The following GRIA2 variants were observed in gnomAD, a reference collection of about 807,000 sequenced individuals.
GRIA2 encodes glutamate receptor 2.
GRIA2 carries 14 observed loss-of-function variants against 97.3 expected under a neutral mutation model. That is an observed-to-expected ratio of 0.14 (90% confidence interval 0.10 to 0.23). The LOEUF (loss-of-function observed/expected upper bound fraction) is 0.23, where lower values mean the gene tolerates loss of function less well. Ranked by LOEUF, GRIA2 falls within the 10% of genes least tolerant of loss-of-function variation. The pLI, the probability that GRIA2 is intolerant of heterozygous loss-of-function variation, is 1.00. For missense variants in GRIA2, 558 were observed against 1,069.8 expected (o/e 0.52, Z 6.67); for synonymous variants, 412 against 387.8 (o/e 1.06, Z -0.73).
chr4:157,306,802 G>A (rs1937221414), intron 3 of GRIA2, among the ~76,000 whole-genome samples: 1 of 152,140 alleles, frequency 6.6e-6, no homozygotes, highest in Non-Finnish European at 1.5e-5. Context: ...TACATTTAGT[G>A]TGTGAACTGT....
chr4:157,261,224 T>C (rs1177630725), intron 2 of GRIA2, among the ~76,000 whole-genome samples: 4 of 152,114 alleles, frequency 2.6e-5, no homozygotes, highest in Admixed American at 1.3e-4. Context: ...AACTTCTAAA[T>C]AAAGTTGACA....
intron 2 of GRIA2, among the ~76,000 whole-genome samples, chr4:157,264,880 C>T (rs912748394): frequency 1.3e-5 from 2 of 151,934 alleles, no homozygotes; most frequent in Non-Finnish European, 2.9e-5. Context: ...AATACACACA[C>T]GCTCTCTCTC....
intron 2 of GRIA2, among the ~76,000 whole-genome samples, chr4:157,272,220 TAGC>T (rs1732060054): frequency 6.6e-6 from 1 of 152,060 alleles, no homozygotes; most frequent in African/African-American, 2.4e-5. Flanking sequence ...CACAATCAAA[TAGC>T]AGGACTTCTC....
chr4:157,220,539 G>C (rs1729437209), upstream of GRIA2: 1 of 152,090 alleles, frequency 6.6e-6, no homozygotes, highest in African/African-American at 2.4e-5. Flanking sequence ...GCGGGGTGCC[G>C]GGCGCCGTGC....
At chr4:157,263,005 C>A (rs948630163) in intron 2 of GRIA2, among the ~76,000 whole-genome samples, 2 of 151,996 alleles carry the variant, frequency 1.3e-5, no homozygotes, top group African/African-American at 4.8e-5. Context: ...TTATTTAGCC[C>A]AGAGTAGTTA....
intron 2 of GRIA2, among the ~76,000 whole-genome samples, chr4:157,235,870 G>T (rs543308652): frequency 1.6e-4 from 25 of 152,030 alleles, no homozygotes; most frequent in Admixed American, 4.6e-4. Context: ...ATTTTAGGTT[G>T]TTACTGAAGA....
intron 2 of GRIA2, among the ~76,000 whole-genome samples, chr4:157,273,408 T>C (rs754812353): frequency 1.3e-5 from 2 of 151,932 alleles, no homozygotes; most frequent in South Asian, 4.1e-4. Context: ...GAGTCAGATA[T>C]GGAAAGAATG....
intron 2 of GRIA2, among the ~76,000 whole-genome samples, chr4:157,271,201 C>T (rs1258071988): frequency 6.6e-6 from 1 of 152,014 alleles, no homozygotes; most frequent in African/African-American, 2.4e-5. Context: ...TTTCCCTACA[C>T]ACCAAGCAAG....
chr4:157,333,212 AAT>A, intron 7 of GRIA2, 35 bp from the exon 8 acceptor site: 2 of 1,222,478 alleles, frequency 1.6e-6, no homozygotes, highest in Non-Finnish European at 2.4e-6. Flanking sequence ...GGTTGAAGTA[AAT>A]ATATAACTCT....
At chr4:157,327,003 G>A (rs1734832209) in intron 6 of GRIA2, among the ~76,000 whole-genome samples, 2 of 152,150 alleles carry the variant, frequency 1.3e-5, no homozygotes, top group African/African-American at 2.4e-5. Context: ...TGTGGTTGTG[G>A]CATGGGGATG....
At chr4:157,355,913 A>AAG (rs1736287193) in intron 12 of GRIA2, among the ~76,000 whole-genome samples, 1 of 52,152 alleles carries the variant, frequency 1.9e-5, no homozygotes, top group Non-Finnish European at 3.7e-5. Context: ...ATATATATAT[A>AAG]TTAATATATT....
intron 2 of GRIA2, among the ~76,000 whole-genome samples, chr4:157,225,561 A>T (rs913837390): frequency 2.0e-5 from 3 of 151,974 alleles, no homozygotes; most frequent in African/African-American, 7.2e-5. Context: ...TCATTCAATA[A>T]ATGTTTAGTG....
chr4:157,299,823 G>A (rs565222449), intron 2 of GRIA2, among the ~76,000 whole-genome samples: 10 of 152,148 alleles, frequency 6.6e-5, no homozygotes, highest in Non-Finnish European at 1.5e-4. Flanking sequence ...CTCAGTGAGA[G>A]CATCTTTACT....
chr4:157,311,682 C>A (rs1177106520), intron 3 of GRIA2, among the ~76,000 whole-genome samples: 1 of 151,846 alleles, frequency 6.6e-6, no homozygotes, highest in African/African-American at 2.4e-5. Context: ...AAGATGCAGG[C>A]TTTTCTAGAA....
chr4:157,341,831 T>C (rs1165669508), intron 12 of GRIA2, among the ~76,000 whole-genome samples: 1 of 152,172 alleles, frequency 6.6e-6, no homozygotes, highest in Non-Finnish European at 1.5e-5. Context: ...GTATCTTACC[T>C]AGTTTATAAT....
chr4:157,246,489 G>T (rs1433324257), intron 2 of GRIA2, among the ~76,000 whole-genome samples: 5 of 152,138 alleles, frequency 3.3e-5, no homozygotes, highest in Middle Eastern at 3.4e-3. Context: ...CAATTTTAAT[G>T]ATATAATTAG....
chr4:157,248,799 T>C (rs62331523), intron 2 of GRIA2, among the ~76,000 whole-genome samples: 1 of 124,610 alleles, frequency 8.0e-6, no homozygotes, highest in Non-Finnish European at 1.7e-5. Flanking sequence ...TATATATATA[T>C]ATATATATAT....
intron 5 of GRIA2, among the ~76,000 whole-genome samples, chr4:157,319,410 T>TAAAAAG (rs1005961313): frequency 1.3e-5 from 2 of 152,144 alleles, no homozygotes; most frequent in Admixed American, 6.5e-5. Flanking sequence ...ATGACCAAAT[T>TAAAAAG]AAAAAGAAAA....
intron 2 of GRIA2, among the ~76,000 whole-genome samples, chr4:157,260,206 T>G (rs1731465821): frequency 6.6e-6 from 1 of 152,272 alleles, no homozygotes; most frequent in Admixed American, 6.5e-5. Context: ...CTTTACTTCC[T>G]GGCCTTGTCA....
Sources: allele counts gnomAD v4.1 joint callset (sites outside exome capture counted in the v4.1 genomes callset), GRCh38; gene constraint gnomAD v4.1.1; transcripts MANE v1.5; gene names NCBI Gene and HGNC (gene_info 2026-07-23, HGNC 2026-07-21).